The following APBB1IP variants were observed in gnomAD, a reference collection of about 807,000 sequenced individuals.
The protein encoded by APBB1IP is amyloid beta A4 precursor protein-binding family B member 1-interacting protein.
Under a neutral mutation model 64.9 loss-of-function variants are expected in APBB1IP, and 27 were observed. That is an observed-to-expected ratio of 0.42 (90% CI 0.31 to 0.57). APBB1IP has a LOEUF of 0.57. APBB1IP is among the 20% of genes least tolerant of loss of function. The probability of loss-of-function intolerance (pLI) is 0.20; values close to 1 mark genes in which losing one functional copy is unlikely to be tolerated. For missense variants in APBB1IP, 812 were observed against 845.5 expected (o/e 0.96, Z 0.49); for synonymous variants, 392 against 331.0 (o/e 1.18, Z -2.00).
chr10:26,501,515 T>C, intron 5 of APBB1IP: 1 of 262,528 alleles, frequency 3.8e-6, no homozygotes, highest in South Asian at 9.4e-5. Context: ...TAGAGTGAAA[T>C]TGAATTTTGT....
At chr10:26,492,052 C>G (rs754168182) in intron 2 of APBB1IP, among the ~76,000 whole-genome samples, 2 of 152,050 alleles carry the variant, frequency 1.3e-5, no homozygotes, top group Non-Finnish European at 2.9e-5. Flanking sequence ...GTGATCCAGC[C>G]TGTTTCTTTG....
rs1332650794 is a variant in APBB1IP, at chr10:26,541,792, A to T, written c.1155+100A>T. ...AATTATAGTTAGCCATATGTGTAAC[A>T]ATAAGAAATTGTTTAACCAAAATAG... On this transcript the variant is annotated intron_variant, in intron 11 of 14. Transcript: ENST00000376236. 6 of 846,862 alleles carry T rather than the reference A, an allele frequency of 7.1e-6. No homozygotes were observed. The East Asian group carries it at 1.8e-4, about 25-fold the overall frequency. 52.5% of individuals were successfully genotyped at this position (846,862 alleles called of 1,614,324 possible). A position where few individuals can be genotyped will look rare whatever the true frequency, so the allele number is the denominator to read the frequency against.
At chr10:26,460,828 G>A (rs1374900121) in intron 2 of APBB1IP, among the ~76,000 whole-genome samples, 1 of 152,166 alleles carries the variant, frequency 6.6e-6, no homozygotes, top group East Asian at 1.9e-4. Context: ...GCATCAGGAA[G>A]AATAGCTAAT....
At chr10:26,552,746 C>T (rs970320932) in intron 11 of APBB1IP, among the ~76,000 whole-genome samples, 2 of 152,200 alleles carry the variant, frequency 1.3e-5, no homozygotes, top group African/African-American at 2.4e-5. Context: ...TACCTCCTGA[C>T]TCTCCATCTC....
chr10:26,513,329 T>C (rs1836284356), intron 7 of APBB1IP, among the ~76,000 whole-genome samples: 2 of 152,180 alleles, frequency 1.3e-5, no homozygotes, highest in African/African-American at 4.8e-5. Flanking sequence ...GTTATGGGTT[T>C]TTTCATCTTG....
intron 2 of APBB1IP, among the ~76,000 whole-genome samples, chr10:26,448,752 T>TC (rs946743316): frequency 6.6e-6 from 1 of 151,976 alleles, no homozygotes; most frequent in Non-Finnish European, 1.5e-5. Context: ...ATCCTCTTTC[T>TC]CCCCCAACTC....
intron 2 of APBB1IP, among the ~76,000 whole-genome samples, chr10:26,490,695 A>C (rs1266330638): frequency 6.6e-6 from 1 of 152,234 alleles, no homozygotes; most frequent in Admixed American, 6.5e-5. Flanking sequence ...ATGGAAAAAT[A>C]ATATTTGCTT....
chr10:26,467,362 A>C (rs917350216), intron 2 of APBB1IP, among the ~76,000 whole-genome samples: 1 of 152,208 alleles, frequency 6.6e-6, no homozygotes, highest in African/African-American at 2.4e-5. Context: ...AATTAAAAAA[A>C]AAAAGTTGTT....
At chr10:26,502,862 G>T (rs939940843) in intron 5 of APBB1IP, among the ~76,000 whole-genome samples, 3 of 152,064 alleles carry the variant, frequency 2.0e-5, no homozygotes, top group African/African-American at 7.2e-5. Flanking sequence ...CTAAATATAC[G>T]AACCACTGTT....
chr10:26,567,332 C>T lies in APBB1IP; in HGVS notation c.1845C>T (p.Asp615=). ...PPAPAPAPVP[D]SARPPPAVAK... is the part of the protein sequence containing the mutation. ...CGCCCGCGCCCGCCCCCGTCCCCGA[C>T]TCCGCCAGGCCGCCCCCCGCGGTGG... Residue 615 remains aspartate, a synonymous_variant, in exon 15 of 15, where the codon GAC becomes GAT. Transcript: ENST00000376236. 1 of 1,343,110 alleles carries T rather than the reference C, an allele frequency of 7.4e-7. No individual in the cohort carries two copies. The highest frequency in any genetic ancestry group is 9.7e-7 in the Non-Finnish European group (1 of 1,032,100). 83.2% of individuals were successfully genotyped at this position (1,343,110 alleles called of 1,614,324 possible).
chr10:26,504,048 T>C (rs1588591229), intron 6 of APBB1IP, among the ~76,000 whole-genome samples: 1 of 152,184 alleles, frequency 6.6e-6, no homozygotes, highest in Non-Finnish European at 1.5e-5. Context: ...TCTTGGTTGA[T>C]AGCAGGTGGC....
intron 2 of APBB1IP, among the ~76,000 whole-genome samples, chr10:26,487,093 T>C (rs1368854150): frequency 1.3e-5 from 2 of 150,628 alleles, no homozygotes. Flanking sequence ...CCAGTCACGA[T>C]GTGAGCATGG....
chr10:26,562,458 A>G, intron 14 of APBB1IP, 29 bp downstream of exon 14: 1 of 1,574,118 alleles, frequency 6.4e-7, no homozygotes, highest in South Asian at 1.1e-5. Context: ...TGACCCCTAT[A>G]AGCCATGTTC....
chr10:26,559,622 C>CTTTTT (rs368290752), intron 11 of APBB1IP, among the ~76,000 whole-genome samples: 1 of 135,194 alleles, frequency 7.4e-6, no homozygotes, highest in African/African-American at 2.7e-5. Flanking sequence ...TTCTTTCTTT[C>CTTTTT]TTTTTTTTTT....
intron 11 of APBB1IP, among the ~76,000 whole-genome samples, chr10:26,557,123 C>A (rs1260911934): frequency 2.0e-5 from 3 of 152,136 alleles, no homozygotes; most frequent in Non-Finnish European, 2.9e-5. Context: ...TAGATATTTC[C>A]AATTTTAAGG....
At chr10:26,482,218 T>C (rs555843284) in intron 2 of APBB1IP, among the ~76,000 whole-genome samples, 1 of 152,330 alleles carries the variant, frequency 6.6e-6, no homozygotes, top group African/African-American at 2.4e-5. Flanking sequence ...TTGGTTAAGT[T>C]GGCCCAAGAG....
intron 2 of APBB1IP, among the ~76,000 whole-genome samples, chr10:26,472,569 T>TTTCA (rs57015999): frequency 0.46 from 68,629 of 149,534 alleles, 17,288 homozygotes; most frequent in East Asian, 0.66. Flanking sequence ...ATCGTGTTTG[T>TTTCA]TTCATTCATT....
chr10:26,478,903 G>A (rs1278269411), intron 2 of APBB1IP, among the ~76,000 whole-genome samples: 3 of 152,062 alleles, frequency 2.0e-5, no homozygotes, highest in African/African-American at 7.2e-5. Flanking sequence ...CTTGGGGTGG[G>A]AGATGAAGTC....
intron 10 of APBB1IP, among the ~76,000 whole-genome samples, chr10:26,541,031 G>A (rs1477144472): frequency 2.0e-5 from 3 of 151,420 alleles, no homozygotes; most frequent in Admixed American, 1.3e-4. Flanking sequence ...ACCTTGTCTC[G>A]ACTGCATCAA....
Sources: gnomAD v4.1 joint callset for allele counts (sites outside exome capture counted in the v4.1 genomes callset) on GRCh38, gnomAD v4.1.1 for gene constraint, MANE v1.5 for transcripts, NCBI Gene and HGNC (gene_info 2026-07-23, HGNC 2026-07-21) for gene names.